The following DTWD2 variants were observed in gnomAD, a reference collection of about 807,000 sequenced individuals.
DTWD2 encodes DTW motif tRNA-uridine aminocarboxypropyltransferase 2, also known as tRNA-uridine aminocarboxypropyltransferase 2.
In DTWD2, 39 loss-of-function variants were observed where a neutral mutation model predicts 31.8. That is an observed-to-expected ratio of 1.22 (90% CI 0.95 to 1.60). DTWD2 has a LOEUF of 1.60. DTWD2 is among the 40% of genes most tolerant of loss of function. The probability of loss-of-function intolerance (pLI) is 0.00; values close to 1 mark genes in which losing one functional copy is unlikely to be tolerated. For synonymous variants in DTWD2, 180 were observed against 142.8 expected (o/e 1.26, Z -1.86); for missense variants, 515 against 381.5 (o/e 1.35, Z -2.92).
chr5:118,883,664 G>A (rs1206709529), intron 4 of DTWD2, among the ~76,000 whole-genome samples: 1 of 152,022 alleles, frequency 6.6e-6, no homozygotes, highest in Non-Finnish European at 1.5e-5. Context: ...GCACACAAGG[G>A]GAGACTGACA....
At chr5:118,844,152 C>A (rs559622984) in intron 5 of DTWD2, among the ~76,000 whole-genome samples, 1 of 152,208 alleles carries the variant, frequency 6.6e-6, no homozygotes, top group South Asian at 2.1e-4. Context: ...CTGATTTCAA[C>A]TTCAGAGTTT....
chr5:118,975,809 T>C (rs937698115), intron 1 of DTWD2, among the ~76,000 whole-genome samples: 16 of 152,166 alleles, frequency 1.1e-4, no homozygotes, highest in African/African-American at 2.4e-4. Context: ...AAAAAGGATA[T>C]GCAGGACTTG....
Position 118,944,664 on chromosome 5 carries a change from G to A in DTWD2, c.219-15C>T. 1 of 1,607,678 alleles carries A rather than the reference G, an allele frequency of 6.2e-7. No individual in the cohort carries two copies. Among genetic ancestry groups the A allele is most frequent in the Non-Finnish European group, 8.5e-7 (1 of 1,177,834 alleles). On this transcript the variant is annotated splice_polypyrimidine_tract_variant and intron_variant, in intron 1 of 5. Coordinates refer to ENST00000510708, the MANE Select transcript of DTWD2 (RefSeq NM_173666.4). ...TCTGAGGCCGGCTAAAGGGTAAAAA[G>A]AAAAATAAAACTGGTAAATTTTAAA...
chr5:118,916,401 C>G lies in DTWD2; in HGVS notation c.597+12136G>C, dbSNP rs532099242. 2.6e-5 allele frequency among the ~76,000 whole-genome samples: 4 copies of G among 152,244 alleles called. No homozygotes were observed. The East Asian group carries it at 7.7e-4, about 29-fold the overall frequency. On this transcript the variant is annotated intron_variant, in intron 4 of 5. Coordinates refer to ENST00000510708, the MANE Select transcript of DTWD2 (RefSeq NM_173666.4). ...GACATTAAGGCCGGGTGCAGTGGCT[C>G]ATGTCTGTGATCCCAGCACTTTGGG...
rs1007085077 is a variant in DTWD2 at position 118,891,529 on chromosome 5, T to C, written c.597+37008A>G. ...ACTGCTGCTCACAGCCTACTCTCAA[T>C]TGTGGCTATGCAAAACATCTCTGAA... is the stretch of plus-strand genomic sequence containing the variant. On this transcript the variant is annotated intron_variant, in intron 4 of 5. Coordinates refer to ENST00000510708, the MANE Select transcript of DTWD2 (RefSeq NM_173666.4). Among the ~76,000 whole-genome samples, 20 of 152,178 alleles carry C rather than the reference T, an allele frequency of 1.3e-4. 1 individual carries two copies. Among genetic ancestry groups the C allele is most frequent in the African/African-American group, 2.9e-4 (12 of 41,442 alleles).
chr5:118,856,353 T>A (rs1752134007), intron 4 of DTWD2, among the ~76,000 whole-genome samples: 1 of 152,252 alleles, frequency 6.6e-6, no homozygotes, highest in African/African-American at 2.4e-5. Flanking sequence ...ATTTTATGTC[T>A]ATCTTACAGT....
At chr5:118,897,895 G>T (rs1249401393) in intron 4 of DTWD2, among the ~76,000 whole-genome samples, 3 of 151,958 alleles carry the variant, frequency 2.0e-5, no homozygotes, top group East Asian at 3.9e-4. Context: ...TTGAGACAGG[G>T]TCTCACTCCT....
chr5:118,928,481 C>T (rs1753853152), intron 4 of DTWD2, 56 bp downstream of exon 4: 1 of 1,208,940 alleles, frequency 8.3e-7, no homozygotes, highest in East Asian at 2.9e-5. Flanking sequence ...AGAAAACATA[C>T]ACAATATACC....
chr5:118,911,969 G>C (rs763328962), intron 4 of DTWD2, among the ~76,000 whole-genome samples: 15 of 152,120 alleles, frequency 9.9e-5, no homozygotes, highest in African/African-American at 2.9e-4. Flanking sequence ...TAACCAACAC[G>C]TCACTCAGCT....
At chr5:118,984,334 A>C (rs1056904041) in intron 1 of DTWD2, among the ~76,000 whole-genome samples, 1 of 151,330 alleles carries the variant, frequency 6.6e-6, no homozygotes, top group Non-Finnish European at 1.5e-5. Context: ...GGTGGCAGGC[A>C]CCTGTAGTCC....
At chr5:118,933,354 C>T (rs965230728) in intron 3 of DTWD2, among the ~76,000 whole-genome samples, 51 of 152,024 alleles carry the variant, frequency 3.4e-4, no homozygotes, top group Admixed American at 6.5e-5. Flanking sequence ...CAAATAAAGG[C>T]ATTACAAGAA....
chr5:118,986,992 A>T (rs1755442069), intron 1 of DTWD2, among the ~76,000 whole-genome samples: 1 of 152,164 alleles, frequency 6.6e-6, no homozygotes, highest in Non-Finnish European at 1.5e-5. Flanking sequence ...CCATTTTTTT[A>T]AAAAAGCATC....
chr5:118,979,785 G>A (rs779198743), intron 1 of DTWD2, among the ~76,000 whole-genome samples: 3 of 152,216 alleles, frequency 2.0e-5, no homozygotes, highest in African/African-American at 7.2e-5. Context: ...ACTTATAAGC[G>A]GGAGCTGAAC....
chr5:118,924,414 A>G (rs1401206007), intron 4 of DTWD2, among the ~76,000 whole-genome samples: 3 of 152,164 alleles, frequency 2.0e-5, no homozygotes, highest in Non-Finnish European at 4.4e-5. Context: ...CATGATCTAT[A>G]TATGTCCTCG....
chr5:118,872,991 C>T (rs73236956), intron 4 of DTWD2, among the ~76,000 whole-genome samples: 6,364 of 152,172 alleles, frequency 0.042, 441 homozygotes, highest in African/African-American at 0.14. Flanking sequence ...GACAGGAACA[C>T]TGAAAACACT....
At chr5:118,988,069 G>A (rs908728044) in intron 1 of DTWD2, 3 of 716,556 alleles carry the variant, frequency 4.2e-6, no homozygotes, top group East Asian at 2.7e-5. Flanking sequence ...CCCATGATAC[G>A]CTCAGCATAT....
At chr5:118,904,216 C>T (rs529275343) in intron 4 of DTWD2, among the ~76,000 whole-genome samples, 13 of 152,034 alleles carry the variant, frequency 8.6e-5, no homozygotes, top group African/African-American at 3.1e-4. Context: ...ATAAAATATA[C>T]ACATGTTTTA....
intron 1 of DTWD2, among the ~76,000 whole-genome samples, chr5:118,955,362 A>G (rs1431009990): frequency 2.0e-5 from 3 of 152,226 alleles, no homozygotes; most frequent in African/African-American, 7.2e-5. Context: ...AATGCTCTGC[A>G]TGCATGGTAA....
chr5:118,874,821 T>C (rs1156319902), intron 4 of DTWD2, among the ~76,000 whole-genome samples: 1 of 152,038 alleles, frequency 6.6e-6, no homozygotes, highest in Non-Finnish European at 1.5e-5. Flanking sequence ...TTCCCAAAGC[T>C]AGCTAGAGAG....
Sources: allele counts gnomAD v4.1 joint callset (sites outside exome capture counted in the v4.1 genomes callset), GRCh38; gene constraint gnomAD v4.1.1; transcripts MANE v1.5; gene names NCBI Gene and HGNC (gene_info 2026-07-23, HGNC 2026-07-21).